KRIT1: variants seen among roughly 807,000 people sequenced by gnomAD.
KRIT1 encodes KRIT1 ankyrin repeat containing, also known as krev interaction trapped protein 1.
A neutral mutation model predicts 95.8 loss-of-function variants in KRIT1; 45 were observed. That is an observed-to-expected ratio of 0.47 (90% confidence interval 0.37 to 0.60). The LOEUF (loss-of-function observed/expected upper bound fraction) is 0.60. KRIT1 is among the 20% of genes least tolerant of loss of function. KRIT1 has a pLI of 0.00. For missense variants in KRIT1, 788 were observed against 877.5 expected (o/e 0.90, Z 1.29); for synonymous variants, 282 against 278.8 (o/e 1.01, Z -0.11).
rs116801031 is a variant in KRIT1 at position 92,241,020 on chromosome 7, T to C, written c.235A>G (p.Ile79Val). Residue 79 changes from isoleucine to valine, a missense_variant, in exon 5 of 19, where the codon ATT becomes GTT. Ile to Val is a conservative substitution (Grantham distance 29). Transcript: ENST00000394505. ...LDYVVETTKPISPANQGIRGK... is the reference protein window; with the variant it reads ...LDYVVETTKPVSPANQGIRGK... ...CTGATACCCTGGTTTGCAGGAGAAA[T>C]TGGTTTGGTGGTTTCTACTACGTAA... 7.0e-5 allele frequency: 113 copies of C among 1,612,850 alleles called. No individual in the cohort carries two copies. In the African/African-American group the frequency reaches 1.1e-3, roughly 16 times the overall value.
At chr7:92,242,795 A>G (rs1799973029) in intron 3 of KRIT1, among the ~76,000 whole-genome samples, 3 of 152,154 alleles carry the variant, frequency 2.0e-5, no homozygotes, top group South Asian at 4.1e-4. Context: ...TTCCCTTATC[A>G]ATTTCCTTGA....
intron 14 of KRIT1, among the ~76,000 whole-genome samples, chr7:92,218,722 A>C (rs746568085): frequency 6.6e-6 from 1 of 151,884 alleles, no homozygotes; most frequent in Non-Finnish European, 1.5e-5. Context: ...GAGTTGTAGG[A>C]GTTCTTTATA....
At chr7:92,221,852 C>G (rs1237205823) in intron 14 of KRIT1, 50 bp downstream of exon 14, 1 of 1,525,076 alleles carries the variant, frequency 6.6e-7, no homozygotes, top group Non-Finnish European at 9.0e-7. Context: ...AATAGAAACT[C>G]AACAGATTTT....
intron 14 of KRIT1, among the ~76,000 whole-genome samples, chr7:92,219,128 G>A (rs902123688): frequency 6.6e-6 from 1 of 152,124 alleles, no homozygotes; most frequent in East Asian, 1.9e-4. Flanking sequence ...AACCTTCTAA[G>A]TAGCTGGGAC....
At chr7:92,217,034 C>A (rs1002593056) in intron 14 of KRIT1, among the ~76,000 whole-genome samples, 2 of 152,170 alleles carry the variant, frequency 1.3e-5, no homozygotes, top group Non-Finnish European at 2.9e-5. Flanking sequence ...AACTGCCTTA[C>A]CAGATTATCA....
intron 5 of KRIT1, chr7:92,240,775 T>C (rs1799445304): frequency 1.8e-6 from 1 of 566,340 alleles, no homozygotes. Flanking sequence ...CACATCAACA[T>C]TGTGAATTCT....
chr7:92,242,651 A>T (rs901085710), intron 3 of KRIT1, among the ~76,000 whole-genome samples: 3 of 152,244 alleles, frequency 2.0e-5, no homozygotes, highest in African/African-American at 7.2e-5. Context: ...TTCAGCAAGG[A>T]TAACTTTGAT....
At chr7:92,224,641 T>C (rs1415498385) in intron 12 of KRIT1, among the ~76,000 whole-genome samples, 1 of 152,152 alleles carries the variant, frequency 6.6e-6, no homozygotes, top group Non-Finnish European at 1.5e-5. Context: ...CATTTTCGAT[T>C]TATGAGTTTA....
At chr7:92,205,857 A>G (rs1791362780) in intron 17 of KRIT1, 1 of 152,222 alleles carries the variant, frequency 6.6e-6, no homozygotes, top group Non-Finnish European at 1.5e-5. Flanking sequence ...ATAAACCTGT[A>G]TTTTATAATG....
At position 92,232,285 on chromosome 7, in the gene KRIT1, C is replaced by T. The variant is rs79655410; in HGVS notation, c.989+2164G>A. ...GTGCTCATTATGTGCTCTCAAAGCA[C>T]GTTACTTGTAATTTTTCTTTTACTA... On this transcript the variant is annotated intron_variant, in intron 10 of 18. Transcript: ENST00000394505. Among the ~76,000 whole-genome samples the T allele has an allele frequency of 4.1e-3, 621 of 152,106 alleles. 4 individuals are homozygous for T. Among genetic ancestry groups the T allele is most frequent in the African/African-American group, 0.014 (592 of 41,486 alleles).
At chr7:92,221,873 A>T (rs769314278) in intron 14 of KRIT1, 29 bp downstream of exon 14, 1 of 1,599,360 alleles carries the variant, frequency 6.3e-7, no homozygotes, top group Non-Finnish European at 8.6e-7. Flanking sequence ...GTGCATTTAA[A>T]TAACTGTAAA....
chr7:92,222,778 A>G (rs1795387911), intron 13 of KRIT1, 44 bp downstream of exon 13: 1 of 1,242,272 alleles, frequency 8.0e-7, no homozygotes, highest in African/African-American at 1.5e-5. Context: ...CACTCCCAAA[A>G]AGGAATAATG....
chr7:92,235,582 C>T lies in KRIT1; in HGVS notation c.550G>A (p.Glu184Lys). 6.2e-7 allele frequency: 1 copy of T among 1,613,732 alleles called. No homozygotes were observed. Among genetic ancestry groups the T allele is most frequent in the Non-Finnish European group, 8.5e-7 (1 of 1,179,874 alleles). Reference sequence around the variant, plus strand: ...TTTATGACATTAGTTTTTATCCGCTCAAGAGGAGAAGGTCGGAATAAAGCT... The same window carrying T: ...TTTATGACATTAGTTTTTATCCGCTTAAGAGGAGAAGGTCGGAATAAAGCT... The part of the protein sequence containing the change: ...IPALFRPSPL[E>K]RIKTNVINPA... Residue 184 changes from glutamate (E) to lysine (K), a missense_variant, in exon 8 of 19, where the codon GAG becomes AAG. Transcript: ENST00000394505.
intron 14 of KRIT1, among the ~76,000 whole-genome samples, chr7:92,218,813 C>A (rs984275503): frequency 6.6e-6 from 1 of 152,018 alleles, no homozygotes; most frequent in Non-Finnish European, 1.5e-5. Flanking sequence ...TAATAATGTC[C>A]TTTAAAGCAC....
chr7:92,210,784 T>C (rs1050533209), intron 17 of KRIT1, among the ~76,000 whole-genome samples: 8 of 152,196 alleles, frequency 5.3e-5, no homozygotes, highest in Non-Finnish European at 1.2e-4. Flanking sequence ...AACTGTTCAT[T>C]AGACTAGGGA....
In KRIT1 at chr7:92,226,561, C is replaced by T. The variant is rs1208036728; in HGVS notation, c.1111G>A (p.Val371Ile). The stretch of plus-strand genomic sequence containing the variant: ...TCTGGGTGGTTTAGGAGAATCTGTA[C>T]TATTTCAGCATGTCCTCCTCCAGCA... ...FAAGGGHAEI[V>I]QILLNHPETD... is the part of the protein sequence containing the mutation. Residue 371 changes from valine (V) to isoleucine (I), a missense_variant, in exon 11 of 19, where the codon GTA becomes ATA. Val to Ile is a conservative substitution (Grantham distance 29). This residue lies in a region of KRIT1 where 493 missense variants were observed against 582.3 expected (regional missense o/e 0.85). Coordinates refer to ENST00000394505, the MANE Select transcript of KRIT1 (RefSeq NM_194454.3). The T allele has an allele frequency of 6.2e-7, 1 of 1,613,086 alleles. No homozygotes were observed. The highest frequency in any genetic ancestry group is 8.5e-7 in the Non-Finnish European group (1 of 1,179,252).
In KRIT1 at chr7:92,243,510, A is replaced by C. The variant is rs779727498; in HGVS notation, c.-3+492T>G. On this transcript the variant is annotated intron_variant, in intron 3 of 18. Coordinates refer to ENST00000394505, the MANE Select transcript of KRIT1 (RefSeq NM_194454.3). ...TGAGTTCCCTACTGCTGCAACTCTCAAGATAGACCATTTTCAAGAAAGGGT... is the reference window on the plus strand; with the variant it reads ...TGAGTTCCCTACTGCTGCAACTCTCCAGATAGACCATTTTCAAGAAAGGGT... 3.1e-4 allele frequency among the ~76,000 whole-genome samples: 47 copies of C among 152,074 alleles called. 1 individual carries two copies. Among genetic ancestry groups the C allele is most frequent in the Non-Finnish European group, 2.2e-4 (15 of 68,012 alleles).
At chr7:92,237,114 T>C (rs1798595663) in intron 6 of KRIT1, among the ~76,000 whole-genome samples, 2 of 152,208 alleles carry the variant, frequency 1.3e-5, no homozygotes, top group African/African-American at 4.8e-5. Flanking sequence ...AGCTAAAGAT[T>C]AAAGAGGAGA....
intron 6 of KRIT1, among the ~76,000 whole-genome samples, chr7:92,236,903 A>G (rs751814648): frequency 5.9e-5 from 9 of 152,202 alleles, no homozygotes; most frequent in Non-Finnish European, 8.8e-5. Flanking sequence ...AATACATGTC[A>G]GCACTGTGTA....
Sources: gnomAD v4.1 joint callset for allele counts (sites outside exome capture counted in the v4.1 genomes callset) on GRCh38, gnomAD v4.1.1 for gene constraint, gnomAD v4.1.1 regional missense constraint, MANE v1.5 for transcripts, NCBI Gene and HGNC (gene_info 2026-07-23, HGNC 2026-07-21) for gene names.